ADAM23: variants seen among roughly 807,000 people sequenced by gnomAD.
The protein encoded by ADAM23 is ADAM metallopeptidase domain 23.
Under a neutral mutation model 120.1 loss-of-function variants are expected in ADAM23, and 33 were observed. The ratio of observed to expected loss-of-function variants is 0.27; its 90% CI spans 0.21 to 0.37. The LOEUF is 0.37. ADAM23 is among the 10% of genes least tolerant of loss of function. The probability of loss-of-function intolerance (pLI) is 1.00; values close to 1 mark genes in which losing one functional copy is unlikely to be tolerated. For missense variants in ADAM23, 862 were observed against 1,058.2 expected (o/e 0.81, Z 2.57); for synonymous variants, 367 against 375.2 (o/e 0.98, Z 0.25).
intron 18 of ADAM23, among the ~76,000 whole-genome samples, chr2:206,578,721 T>G (rs1361307130): frequency 6.6e-6 from 1 of 152,194 alleles, no homozygotes; most frequent in East Asian, 1.9e-4. Flanking sequence ...CAAGTATCTT[T>G]TTTGAATAAT....
At chr2:206,462,608 G>A (rs1484808859) in intron 2 of ADAM23, among the ~76,000 whole-genome samples, 3 of 152,128 alleles carry the variant, frequency 2.0e-5, no homozygotes, top group Non-Finnish European at 4.4e-5. Flanking sequence ...GTTGTCTTCT[G>A]CCCCTGGGGA....
intron 3 of ADAM23, among the ~76,000 whole-genome samples, chr2:206,517,705 G>GTTAC (rs1307526182): frequency 2.0e-5 from 3 of 152,092 alleles, no homozygotes; most frequent in Non-Finnish European, 4.4e-5. Context: ...CCTGTCATGA[G>GTTAC]TTACCAACCT....
rs1037236606 is a variant in ADAM23, at chr2:206,542,222, C to T, written c.656+88C>T. ...TATATATTTTAGTGACTCTTCCGTGCCAGTGCTGTGTTAGGGACTGCATGT... is the reference window on the plus strand; with the variant it reads ...TATATATTTTAGTGACTCTTCCGTGTCAGTGCTGTGTTAGGGACTGCATGT... On this transcript the variant is annotated intron_variant, in intron 5 of 25. Transcript: ENST00000264377. The T allele has an allele frequency of 5.3e-6, 7 of 1,323,020 alleles. No individual in the cohort carries two copies. In the African/African-American group the frequency reaches 8.7e-5, roughly 17 times the overall value. 82.0% of individuals were successfully genotyped at this position (1,323,020 alleles called of 1,614,324 possible).
At chr2:206,477,162 GA>G (rs1322751723) in intron 2 of ADAM23, among the ~76,000 whole-genome samples, 1 of 152,146 alleles carries the variant, frequency 6.6e-6, no homozygotes, top group East Asian at 1.9e-4. Flanking sequence ...ATTGCTTGAT[GA>G]TAAGGTGAGA....
chr2:206,589,538 T>C, intron 21 of ADAM23, 24 bp downstream of exon 21: 1 of 1,587,466 alleles, frequency 6.3e-7, no homozygotes, highest in Non-Finnish European at 8.6e-7. Context: ...TCTAAGGGCA[T>C]AGTCACTGGA....
intron 3 of ADAM23, among the ~76,000 whole-genome samples, chr2:206,499,331 A>G (rs1696330674): frequency 6.6e-6 from 1 of 151,914 alleles, no homozygotes; most frequent in Non-Finnish European, 1.5e-5. Context: ...GGATGAGTTC[A>G]TGTCCTTTGT....
chr2:206,553,613 A>G (rs1697580494), intron 9 of ADAM23, among the ~76,000 whole-genome samples: 2 of 152,164 alleles, frequency 1.3e-5, no homozygotes, highest in Non-Finnish European at 2.9e-5. Context: ...ATGACATTTT[A>G]TAAGAATTTT....
chr2:206,490,003 CT>C (rs1574494055), intron 3 of ADAM23, among the ~76,000 whole-genome samples: 1 of 152,168 alleles, frequency 6.6e-6, no homozygotes, highest in African/African-American at 2.4e-5. Context: ...GTTCTAACCC[CT>C]AGTACCTAAG....
intron 4 of ADAM23, among the ~76,000 whole-genome samples, chr2:206,534,299 G>A (rs751886366): frequency 3.3e-4 from 50 of 151,954 alleles, no homozygotes; most frequent in Middle Eastern, 6.8e-3. Flanking sequence ...TTCCTTTTTC[G>A]TCCCTAGTTT....
chr2:206,582,511 G>A (rs551568676), intron 18 of ADAM23, among the ~76,000 whole-genome samples: 1 of 152,290 alleles, frequency 6.6e-6, no homozygotes, highest in African/African-American at 2.4e-5. Flanking sequence ...TATCTTTTAA[G>A]TGGAACATTT....
intron 2 of ADAM23, among the ~76,000 whole-genome samples, chr2:206,474,845 G>A (rs1008059496): frequency 1.3e-5 from 2 of 152,148 alleles, no homozygotes; most frequent in East Asian, 3.8e-4. Flanking sequence ...AAAGTGTTGG[G>A]ATTACAGGCA....
Position 206,594,925 on chromosome 2 carries a change from A to G in ADAM23, c.2247+20A>G. The G allele has an allele frequency of 6.2e-7, 1 of 1,613,378 alleles. No individual in the cohort carries two copies. Among genetic ancestry groups the G allele is most frequent in the South Asian group, 1.1e-5 (1 of 90,954 alleles). On this transcript the variant is annotated intron_variant, in intron 23 of 25. Transcript: ENST00000264377. ...CATGGGGTAAGTAGGTATCAATGTGACAGCTGGAACCTTCATGGTCTGGCA... is the reference window on the plus strand; with the variant it reads ...CATGGGGTAAGTAGGTATCAATGTGGCAGCTGGAACCTTCATGGTCTGGCA...
chr2:206,462,466 A>G (rs1009779548), intron 2 of ADAM23, among the ~76,000 whole-genome samples: 30 of 152,146 alleles, frequency 2.0e-4, no homozygotes, highest in Non-Finnish European at 1.2e-4. Flanking sequence ...GTATCACACT[A>G]TGGTGTTCTT....
At chr2:206,574,015 T>A (rs1237246848) in intron 18 of ADAM23, among the ~76,000 whole-genome samples, 1 of 152,128 alleles carries the variant, frequency 6.6e-6, no homozygotes, top group Non-Finnish European at 1.5e-5. Context: ...TTGCCATTGC[T>A]TTTGATGGCA....
chr2:206,574,975 T>A (rs1025779416), intron 18 of ADAM23, among the ~76,000 whole-genome samples: 5 of 152,190 alleles, frequency 3.3e-5, no homozygotes, highest in African/African-American at 1.2e-4. Context: ...TTGTGGAACC[T>A]ACATTCTGCT....
rs189129596 is a variant in ADAM23, at chr2:206,493,521, C to T, written c.509+12213C>T. Among the ~76,000 whole-genome samples the T allele has an allele frequency of 3.3e-3, 501 of 152,250 alleles. 5 individuals carry two copies. Among genetic ancestry groups the T allele is most frequent in the African/African-American group, 0.011 (471 of 41,554 alleles). The stretch of plus-strand genomic sequence containing the variant: ...CCAGGTAGCTGGGATTACAGGCATC[C>T]GCCACCACGCCCAGCTAATTTTTGT... On this transcript the variant is annotated intron_variant, in intron 3 of 25. Coordinates refer to ENST00000264377, the MANE Select transcript of ADAM23 (RefSeq NM_003812.4).
intron 21 of ADAM23, among the ~76,000 whole-genome samples, chr2:206,592,351 G>A (rs1307645530): frequency 2.0e-5 from 3 of 152,112 alleles, no homozygotes; most frequent in Admixed American, 6.6e-5. Flanking sequence ...GAAAGTGGGC[G>A]TCGAGAATGG....
chr2:206,591,316 AC>A (rs1446710145), intron 21 of ADAM23, among the ~76,000 whole-genome samples: 1 of 152,218 alleles, frequency 6.6e-6, no homozygotes, highest in Non-Finnish European at 1.5e-5. Flanking sequence ...TAGTGCAGAT[AC>A]CTTCATCCTG....
intron 11 of ADAM23, 131 bp downstream of exon 11, chr2:206,560,249 T>C: frequency 1.0e-6 from 1 of 958,326 alleles, no homozygotes; most frequent in South Asian, 1.9e-5. Flanking sequence ...CTTTGTCTGT[T>C]AGATAAGAAG....
Sources: allele counts gnomAD v4.1 joint callset (sites outside exome capture counted in the v4.1 genomes callset), GRCh38; gene constraint gnomAD v4.1.1; transcripts MANE v1.5; gene names NCBI Gene and HGNC (gene_info 2026-07-23, HGNC 2026-07-21).